MROH1: variants seen among roughly 807,000 people sequenced by gnomAD.
The protein encoded by MROH1 is maestro heat-like repeat-containing protein family member 1.
In MROH1, 117 loss-of-function variants were observed where a neutral mutation model predicts 116.5. The ratio of observed to expected loss-of-function variants is 1.00; its 90% CI spans 0.86 to 1.17. The LOEUF (loss-of-function observed/expected upper bound fraction) is 1.17. Among genes scored for constraint, MROH1 ranks in the 50% most tolerant of loss-of-function variants. MROH1 has a pLI of 0.00. For synonymous variants in MROH1, 921 were observed against 583.9 expected (o/e 1.58, Z -8.32); for missense variants, 1,873 against 1,338.5 (o/e 1.40, Z -6.23).
intron 12 of MROH1, among the ~76,000 whole-genome samples, chr8:144,206,294 G>C (rs1182605005): frequency 6.6e-6 from 1 of 152,226 alleles, no homozygotes; most frequent in Non-Finnish European, 1.5e-5. Flanking sequence ...CCCTTCGTGA[G>C]CGTAGGCATT....
At chr8:144,216,836 C>T (rs544856041) in intron 12 of MROH1, among the ~76,000 whole-genome samples, 111 of 152,118 alleles carry the variant, frequency 7.3e-4, no homozygotes, top group Non-Finnish European at 1.4e-3. Flanking sequence ...ATTACAGGCA[C>T]CTGCCACCAC....
intron 1 of MROH1, among the ~76,000 whole-genome samples, chr8:144,160,265 G>C (rs936014847): frequency 1.3e-5 from 2 of 152,122 alleles, no homozygotes; most frequent in African/African-American, 4.8e-5. Context: ...GGACTGATTT[G>C]GTTGTTTACT....
chr8:144,158,855 C>T (rs1345490290), intron 1 of MROH1, among the ~76,000 whole-genome samples: 5 of 152,150 alleles, frequency 3.3e-5, no homozygotes, highest in Non-Finnish European at 7.3e-5. Flanking sequence ...AGTGATCCTC[C>T]TGCCTCCCGA....
chr8:144,200,368 C>A, intron 11 of MROH1, 60 bp from the exon 12 acceptor site: 1 of 1,317,896 alleles, frequency 7.6e-7, no homozygotes, highest in Non-Finnish European at 1.0e-6. Context: ...AGTAGGTGGA[C>A]GCTGTGTATA....
chr8:144,150,319 AC>A (rs1198647794), intron 1 of MROH1, among the ~76,000 whole-genome samples: 1 of 152,064 alleles, frequency 6.6e-6, no homozygotes, highest in Non-Finnish European at 1.5e-5. Context: ...GACCCTATCA[AC>A]CCTGCCTGCC....
chr8:144,223,453 G>A (rs1013357825), intron 14 of MROH1, among the ~76,000 whole-genome samples: 2 of 152,044 alleles, frequency 1.3e-5, no homozygotes, highest in African/African-American at 2.4e-5. Flanking sequence ...ATAGCACACT[G>A]CAGCCTGGAA....
rs372646301 is a variant in MROH1, at chr8:144,179,547, C to G, written c.261C>G (p.Thr87=). 280 of 1,612,964 alleles carry G rather than the reference C, an allele frequency of 1.7e-4. No individual in the cohort carries two copies. Among genetic ancestry groups the G allele is most frequent in the Non-Finnish European group, 2.1e-4 (243 of 1,179,650 alleles). ...ASELDKDTAS[T]IILLASSEMT... Reference sequence around the variant, plus strand: ...AGCTGGACAAGGACACAGCCAGCACCATCATCCTCCTGGCCTCCAGCGAGA... The same window carrying G: ...AGCTGGACAAGGACACAGCCAGCACGATCATCCTCCTGGCCTCCAGCGAGA... Residue 87 remains threonine (T), a synonymous_variant, in exon 5 of 44, where the codon ACC becomes ACG. Coordinates refer to ENST00000326134, the MANE Select transcript of MROH1 (RefSeq NM_032450.3).
At chr8:144,181,948 C>G (rs1825827445) in intron 7 of MROH1, among the ~76,000 whole-genome samples, 2 of 152,222 alleles carry the variant, frequency 1.3e-5, no homozygotes, top group South Asian at 2.1e-4. Context: ...CATAGGGGAC[C>G]TGCGGCTCCT....
At chr8:144,243,401 A>G (rs1408797058) in intron 24 of MROH1, 93 bp from the exon 25 acceptor site, 10 of 743,850 alleles carry the variant, frequency 1.3e-5, no homozygotes, top group Non-Finnish European at 2.5e-5. Context: ...AGAGTGCAGC[A>G]CTTCTGGTTT....
At chr8:144,211,193 TC>T (rs1330501212) in intron 12 of MROH1, among the ~76,000 whole-genome samples, 2 of 152,214 alleles carry the variant, frequency 1.3e-5, no homozygotes, top group East Asian at 3.8e-4. Context: ...AGAAACAGAT[TC>T]AGACTCAAGC....
At chr8:144,184,862 C>T (rs115997822) in intron 7 of MROH1, among the ~76,000 whole-genome samples, 1,710 of 152,280 alleles carry the variant, frequency 0.011, 29 homozygotes, top group African/African-American at 0.039. Context: ...ACAGCCAGTG[C>T]CAGACCTGTT....
At chr8:144,192,745 C>G (rs1311458286) in intron 10 of MROH1, 1 of 449,308 alleles carries the variant, frequency 2.2e-6, no homozygotes, top group Non-Finnish European at 4.2e-6. Flanking sequence ...GGGGACTGAG[C>G]TCAGAGGAGC....
At chr8:144,241,549 G>A (rs1295354430) in intron 22 of MROH1, 32 bp downstream of exon 22, 3 of 777,300 alleles carry the variant, frequency 3.9e-6, no homozygotes, top group South Asian at 1.3e-5. Context: ...GGCTGGGGAC[G>A]GCTGTCTATC....
chr8:144,248,882 T>G lies in MROH1; in HGVS notation c.3126T>G (p.Ile1042Met). 1 of 778,970 alleles carries G rather than the reference T, an allele frequency of 1.3e-6. No individual in the cohort carries two copies. The highest frequency in any genetic ancestry group is 2.4e-6 in the Non-Finnish European group (1 of 417,228). The allele number at this position is 778,970 out of a possible 1,614,324, so 48.3% of individuals were successfully genotyped here. ...TGGCATCGCCTTCCTCCTAGATTAT[T>G]GCCAAGCGCCTCCCCCCAGACCAGC... ...FHTCHSVGQI[I>M]AKRLPPDQLI... The change falls in exon 32 of 44, where the codon ATT (isoleucine) becomes ATG (methionine). Residue 1042 changes from isoleucine to methionine, a missense_variant. By Grantham distance (10) the Ile-to-Met change is conservative (BLOSUM62 1). Coordinates refer to ENST00000326134, the MANE Select transcript of MROH1 (RefSeq NM_032450.3).
At chr8:144,217,915 G>A (rs1250862092) in intron 12 of MROH1, among the ~76,000 whole-genome samples, 12 of 148,828 alleles carry the variant, frequency 8.1e-5, no homozygotes, top group African/African-American at 1.2e-4. Flanking sequence ...TTAGAGGCCC[G>A]GGATCCCTCT....
intron 14 of MROH1, among the ~76,000 whole-genome samples, chr8:144,232,624 G>A (rs1410657984): frequency 6.6e-6 from 1 of 151,720 alleles, no homozygotes; most frequent in Non-Finnish European, 1.5e-5. Context: ...CTCCTGAGTA[G>A]CTGGGACTAC....
intron 3 of MROH1, among the ~76,000 whole-genome samples, chr8:144,167,000 C>T (rs972925409): frequency 6.6e-6 from 1 of 152,224 alleles, no homozygotes; most frequent in Non-Finnish European, 1.5e-5. Flanking sequence ...GTCCAGCTTC[C>T]TGCTCAGGAA....
chr8:144,253,218 G>A (rs1843139412), intron 33 of MROH1, among the ~76,000 whole-genome samples: 1 of 152,092 alleles, frequency 6.6e-6, no homozygotes, highest in Non-Finnish European at 1.5e-5. Flanking sequence ...CTAAGGATGG[G>A]TTCTACATTC....
intron 22 of MROH1, 101 bp from the exon 23 acceptor site, chr8:144,242,268 G>C (rs1841142002): frequency 1.3e-6 from 1 of 776,362 alleles, no homozygotes; most frequent in Non-Finnish European, 2.4e-6. Context: ...ACTGGCTCTG[G>C]CCCTTCTTCT....
Sources: allele counts gnomAD v4.1 joint callset (sites outside exome capture counted in the v4.1 genomes callset), GRCh38; gene constraint gnomAD v4.1.1; transcripts MANE v1.5; gene names NCBI Gene and HGNC (gene_info 2026-07-23, HGNC 2026-07-21).